AOAH: variants seen among roughly 807,000 people sequenced by gnomAD.
AOAH encodes acyloxyacyl hydrolase (neutrophil).
AOAH carries 64 observed loss-of-function variants against 92.2 expected under a neutral mutation model. That is an observed-to-expected ratio of 0.69 (90% confidence interval 0.57 to 0.86). AOAH has a LOEUF of 0.86. AOAH is among the 40% of genes least tolerant of loss of function. The probability of loss-of-function intolerance (pLI) is 0.00; values close to 1 mark genes in which losing one functional copy is unlikely to be tolerated. For synonymous variants in AOAH, 263 were observed against 254.5 expected, an observed-to-expected ratio of 1.03 and a Z score of -0.32; for missense variants, 656 against 694.6, an observed-to-expected ratio of 0.94 and a Z score of 0.62.
At chr7:36,667,138 C>T (rs1309280957) in intron 3 of AOAH, among the ~76,000 whole-genome samples, 4 of 152,080 alleles carry the variant, frequency 2.6e-5, no homozygotes, top group Non-Finnish European at 1.5e-5. Context: ...TTTTAATCTC[C>T]ATGGTTTCAG....
At chr7:36,670,177 T>A (rs2116625202) in intron 3 of AOAH, among the ~76,000 whole-genome samples, 1 of 152,280 alleles carries the variant, frequency 6.6e-6, no homozygotes, top group South Asian at 2.1e-4. Flanking sequence ...TAAGGAAGGA[T>A]GCCCTTTGGG....
chr7:36,624,729 G>A (rs1792515938), intron 6 of AOAH, among the ~76,000 whole-genome samples: 1 of 152,140 alleles, frequency 6.6e-6, no homozygotes, highest in Non-Finnish European at 1.5e-5. Flanking sequence ...CCTCCTGAGG[G>A]TCCCAGCACC....
chr7:36,649,733 C>T (rs545024799), intron 4 of AOAH, among the ~76,000 whole-genome samples: 190 of 152,274 alleles, frequency 1.2e-3, no homozygotes, highest in African/African-American at 4.3e-3. Context: ...GTGTTTGTTA[C>T]GACTTGAGCT....
chr7:36,625,500 G>A (rs956535451), intron 6 of AOAH, among the ~76,000 whole-genome samples: 1 of 152,190 alleles, frequency 6.6e-6, no homozygotes, highest in African/African-American at 2.4e-5. Flanking sequence ...GCTTGCAGCT[G>A]TGATTATGAG....
chr7:36,600,377 T>TA (rs1218834470), intron 11 of AOAH, among the ~76,000 whole-genome samples: 1 of 152,132 alleles, frequency 6.6e-6, no homozygotes, highest in Non-Finnish European at 1.5e-5. Context: ...GGGCCCCTCT[T>TA]ATGATGAGCA....
At chr7:36,707,656 C>T (rs959913266) in intron 1 of AOAH, among the ~76,000 whole-genome samples, 2 of 152,196 alleles carry the variant, frequency 1.3e-5, no homozygotes, top group South Asian at 2.1e-4. Context: ...GAAAGTTCAG[C>T]GATTAGTCAT....
chr7:36,661,028 T>C (rs1795188028), intron 3 of AOAH: 1 of 152,188 alleles, frequency 6.6e-6, no homozygotes, highest in Non-Finnish European at 1.5e-5. Context: ...AGGTTGGTAA[T>C]ACCCAGAGAC....
intron 20 of AOAH, among the ~76,000 whole-genome samples, chr7:36,515,420 C>T (rs1038578531): frequency 5.0e-4 from 55 of 111,030 alleles, no homozygotes; most frequent in South Asian, 6.7e-4. Context: ...ACATCACACA[C>T]ACCCCCCACA....
chr7:36,634,441 C>G (rs942411062), intron 5 of AOAH, among the ~76,000 whole-genome samples: 1 of 152,162 alleles, frequency 6.6e-6, no homozygotes, highest in Non-Finnish European at 1.5e-5. Context: ...TCACGTACCC[C>G]CTGCTTGCTC....
intron 5 of AOAH, among the ~76,000 whole-genome samples, chr7:36,637,011 T>C (rs1190555713): frequency 6.6e-6 from 1 of 152,228 alleles, no homozygotes; most frequent in Non-Finnish European, 1.5e-5. Flanking sequence ...GCTTCCTTAC[T>C]GCCAGTATCT....
At chr7:36,554,877 A>AT (rs1344387811) in intron 13 of AOAH, among the ~76,000 whole-genome samples, 2 of 149,912 alleles carry the variant, frequency 1.3e-5, no homozygotes, top group African/African-American at 4.9e-5. Flanking sequence ...GCTTAAGGAG[A>AT]TTTTGGGCTG....
intron 5 of AOAH, among the ~76,000 whole-genome samples, 190 bp from the exon 6 acceptor site, chr7:36,632,296 G>A (rs769238126): frequency 6.6e-6 from 1 of 151,894 alleles, no homozygotes; most frequent in Non-Finnish European, 1.5e-5. Flanking sequence ...CTGTGCCTTT[G>A]CCCATCGGGC....
intron 1 of AOAH, among the ~76,000 whole-genome samples, chr7:36,691,759 C>A (rs932121033): frequency 6.6e-6 from 1 of 152,128 alleles, no homozygotes; most frequent in Non-Finnish European, 1.5e-5. Context: ...TATATCCCAG[C>A]CCTTTGAATC....
chr7:36,621,800 A>C lies in AOAH; in HGVS notation c.583-20T>G, dbSNP rs754599091. ...CAGTGTCTGAAATTGAAGAGCACACACAGGAGGGGTTCAGCCTGCTTTGAT... is the reference window on the plus strand; with the variant it reads ...CAGTGTCTGAAATTGAAGAGCACACCCAGGAGGGGTTCAGCCTGCTTTGAT... On this transcript the variant is annotated intron_variant, in intron 7 of 20. Coordinates refer to ENST00000617537, the MANE Select transcript of AOAH (RefSeq NM_001637.4). 1.2e-6 allele frequency: 2 copies of C among 1,613,098 alleles called. No individual in the cohort carries two copies. The highest frequency in any genetic ancestry group is 1.7e-5 in the Admixed American group (1 of 60,014).
intron 12 of AOAH, among the ~76,000 whole-genome samples, chr7:36,584,479 TATC>T (rs1789162737): frequency 6.6e-6 from 1 of 152,232 alleles, no homozygotes; most frequent in Admixed American, 6.5e-5. Flanking sequence ...AGGTTTGACT[TATC>T]ATTAGCCAAA....
intron 11 of AOAH, among the ~76,000 whole-genome samples, chr7:36,596,476 TAAG>T (rs1336196536): frequency 6.6e-6 from 1 of 152,148 alleles, no homozygotes; most frequent in Non-Finnish European, 1.5e-5. Context: ...TGTAACTAGT[TAAG>T]AAGAGGTCAT....
chr7:36,721,085 C>T (rs957570305), intron 1 of AOAH, among the ~76,000 whole-genome samples: 1 of 152,080 alleles, frequency 6.6e-6, no homozygotes, highest in Non-Finnish European at 1.5e-5. Context: ...CCCAGGATCC[C>T]GTATCAGGAG....
At chr7:36,711,820 C>T (rs909805613) in intron 1 of AOAH, among the ~76,000 whole-genome samples, 1 of 152,066 alleles carries the variant, frequency 6.6e-6, no homozygotes, top group African/African-American at 2.4e-5. Flanking sequence ...AGACCATGAA[C>T]CCCACCAACC....
rs73101541 is a variant in AOAH, at chr7:36,696,992, A to G, written c.128-10198T>C. Among the ~76,000 whole-genome samples the G allele has an allele frequency of 3.3e-5, 5 of 152,266 alleles. No homozygotes were observed. In the East Asian group the frequency reaches 9.6e-4, roughly 29 times the overall value. On this transcript the variant is annotated intron_variant, in intron 1 of 20. Coordinates refer to ENST00000617537, the MANE Select transcript of AOAH (RefSeq NM_001637.4). ...ATTTAGGATTATGTTGTCTGACAAT[A>G]CAGTTTTACTTACTCCTTTCCAATC...
Sources: allele counts gnomAD v4.1 joint callset (sites outside exome capture counted in the v4.1 genomes callset), GRCh38; gene constraint gnomAD v4.1.1; transcripts MANE v1.5; gene names NCBI Gene and HGNC (gene_info 2026-07-23, HGNC 2026-07-21).